Variants in ZNF540 observed in about 807,000 individuals in gnomAD.
The protein encoded by ZNF540 is CTD-3064H18.6.
ZNF540 carries 3 observed loss-of-function variants against 11.8 expected under a neutral mutation model. That is an observed-to-expected ratio of 0.25 (90% CI 0.12 to 0.65). The LOEUF (loss-of-function observed/expected upper bound fraction) is 0.65, where lower values mean the gene tolerates loss of function less well. Ranked by LOEUF, ZNF540 falls within the 30% of genes least tolerant of loss-of-function variation. ZNF540 has a pLI of 0.83. For synonymous variants in ZNF540, 247 were observed against 259.0 expected (o/e 0.95, Z 0.45); for missense variants, 709 against 793.1 (o/e 0.89, Z 1.27).
At chr19:37,552,634 T>C (rs1036109919) in intron 1 of ZNF540, among the ~76,000 whole-genome samples, 1 of 152,190 alleles carries the variant, frequency 6.6e-6, no homozygotes, top group African/African-American at 2.4e-5. Context: ...TCCCTGGTAA[T>C]ATTCTTTGTT....
At chr19:37,565,141 A>G in intron 1 of ZNF540, 1 of 1,613,390 alleles carries the variant, frequency 6.2e-7, no homozygotes, top group Non-Finnish European at 8.5e-7. Flanking sequence ...GTTTGCCACA[A>G]ATAAAGGCCT....
At chr19:37,554,107 C>CT (rs2042636096) in intron 1 of ZNF540, among the ~76,000 whole-genome samples, 5 of 152,192 alleles carry the variant, frequency 3.3e-5, no homozygotes, top group Non-Finnish European at 7.3e-5. Flanking sequence ...ACATAGTGAG[C>CT]ATAGTAGCTG....
chr19:37,611,766 G>A lies in ZNF540; in HGVS notation c.486G>A (p.Gln162=), dbSNP rs1190735281. 28 of 1,613,854 alleles carry A rather than the reference G, an allele frequency of 1.7e-5. No individual in the cohort carries two copies. The highest frequency in any genetic ancestry group is 2.2e-5 in the Non-Finnish European group (26 of 1,179,956). Residue 162 remains glutamine (Q), a synonymous_variant, in exon 5 of 5, where the codon CAG becomes CAA. Coordinates refer to ENST00000316433, the MANE Select transcript of ZNF540 (RefSeq NM_001172225.3). Reference sequence around the variant, plus strand: ...AACGTCCCTCTTTTACTCTGAATCAGAGAATTCACAATAGTGAGAAAAGCT... The same window carrying A: ...AACGTCCCTCTTTTACTCTGAATCAAAGAATTCACAATAGTGAGAAAAGCT... ...DRKRPSFTLN[Q]RIHNSEKSCD... is the part of the protein sequence containing the mutation.
rs781715755 is a variant in ZNF540 at position 37,611,842 on chromosome 19, G to T, written c.562G>T (p.Asp188Tyr). The T allele has an allele frequency of 1.9e-6, 3 of 1,613,956 alleles. No individual in the cohort carries two copies. The Admixed American group carries it at 5.0e-5, about 27-fold the overall frequency. The change falls in exon 5 of 5, where the codon GAT becomes TAT. Residue 188 changes from aspartate to tyrosine, a missense_variant. Transcript: ENST00000316433. The part of the protein sequence containing the change: ...HGKIDSDVKH[D>Y]CKECGSTFNN... Reference sequence around the variant, plus strand: ...GAAAATAGATTCTGATGTGAAACATGATTGTAAAGAATGTGGGAGTACTTT... The same window carrying T: ...GAAAATAGATTCTGATGTGAAACATTATTGTAAAGAATGTGGGAGTACTTT...
intron 1 of ZNF540, among the ~76,000 whole-genome samples, chr19:37,597,038 G>T (rs2044001783): frequency 1.4e-5 from 2 of 144,566 alleles, no homozygotes; most frequent in Admixed American, 1.3e-4. Context: ...GAACTCAGAT[G>T]TCTTGTTTAT....
intron 2 of ZNF540, 49 bp from the exon 3 acceptor site, chr19:37,599,577 A>G: frequency 6.2e-7 from 1 of 1,611,908 alleles, no homozygotes. Context: ...TTCTTTTTAA[A>G]ATACTTGTTC....
At chr19:37,552,038 T>C (rs117933287) in intron 1 of ZNF540, among the ~76,000 whole-genome samples, 2,805 of 152,266 alleles carry the variant, frequency 0.018, 38 homozygotes, top group Non-Finnish European at 0.03. Flanking sequence ...ACTTAAACCA[T>C]TGATATGTAT....
At chr19:37,571,893 G>C (rs1422024478) in intron 1 of ZNF540, among the ~76,000 whole-genome samples, 1 of 152,192 alleles carries the variant, frequency 6.6e-6, no homozygotes, top group African/African-American at 2.4e-5. Flanking sequence ...TGTTACATAT[G>C]AAGGCATGAG....
chr19:37,611,532 G>A lies in ZNF540; in HGVS notation c.252G>A (p.Lys84=), dbSNP rs1299036222. Residue 84 remains lysine, a synonymous_variant, in exon 5 of 5, where the codon AAG becomes AAA. Transcript: ENST00000316433. ...TTTCAGGTTTGTTATCCAGGCATAAGACCAAGAAATTATCTTCAGAAAAGG... is the reference window on the plus strand; with the variant it reads ...TTTCAGGTTTGTTATCCAGGCATAAAACCAAGAAATTATCTTCAGAAAAGG... The part of the protein sequence containing the change: ...RQCPGLLSRH[K]TKKLSSEKDI... 6.3e-7 allele frequency: 1 copy of A among 1,599,350 alleles called. No individual in the cohort carries two copies. The highest frequency in any genetic ancestry group is 2.2e-5 in the East Asian group (1 of 44,686).
intron 1 of ZNF540, chr19:37,563,683 G>A (rs535625428): frequency 9.9e-5 from 15 of 151,838 alleles, no homozygotes; most frequent in East Asian, 7.7e-4. Context: ...ATATACACAC[G>A]TGGAATGTAT....
upstream of ZNF540, among the ~76,000 whole-genome samples, chr19:37,592,925 T>C (rs1454136730): frequency 6.6e-6 from 1 of 152,178 alleles, no homozygotes; most frequent in African/African-American, 2.4e-5. Flanking sequence ...CTATCATGCA[T>C]TAAGTAAGTT....
chr19:37,566,272 C>T, intron 1 of ZNF540: 2 of 1,612,004 alleles, frequency 1.2e-6, no homozygotes, highest in African/African-American at 1.3e-5. Context: ...ACTTTTTGGT[C>T]ACACAACTGG....
intron 1 of ZNF540, among the ~76,000 whole-genome samples, chr19:37,553,939 A>G (rs141705829): frequency 1.2e-3 from 183 of 152,300 alleles, no homozygotes; most frequent in East Asian, 7.5e-3. Context: ...GTATGAATCC[A>G]TGTTTCCATC....
At chr19:37,598,580 C>T (rs2044014022) in intron 2 of ZNF540, 124 bp downstream of exon 2, 1 of 951,322 alleles carries the variant, frequency 1.1e-6, no homozygotes, top group African/African-American at 1.6e-5. Flanking sequence ...CCAAGCTCCT[C>T]CCATGGGCCC....
chr19:37,613,143 C>T lies in ZNF540; in HGVS notation c.1863C>T (p.His621=). 1 of 1,613,930 alleles carries T rather than the reference C, an allele frequency of 6.2e-7. No homozygotes were observed. Among genetic ancestry groups the T allele is most frequent in the Non-Finnish European group, 8.5e-7 (1 of 1,179,904 alleles). Reference sequence around the variant, plus strand: ...GGAAGGCCTTTAGACTTAATTCACACCTTACTGAACATCAGAGAATTCACA... The same window carrying T: ...GGAAGGCCTTTAGACTTAATTCACATCTTACTGAACATCAGAGAATTCACA... ...QCGKAFRLNS[H]LTEHQRIHTG... is the part of the protein sequence containing the mutation. Residue 621 remains histidine (H), a synonymous_variant, in exon 5 of 5, where the codon CAC becomes CAT. Transcript: ENST00000316433.
intron 1 of ZNF540, chr19:37,563,594 AATACATATATGC>A (rs2042746369): frequency 2.0e-5 from 3 of 152,086 alleles, no homozygotes; most frequent in Non-Finnish European, 2.9e-5. Context: ...ACATATATGG[AATACATATATGC>A]ATACATACAT....
At chr19:37,561,048 CAAAAA>C (rs199892724) in intron 1 of ZNF540, among the ~76,000 whole-genome samples, 53 of 73,774 alleles carry the variant, frequency 7.2e-4, no homozygotes, top group African/African-American at 1.7e-3. Context: ...CCTGTCTCTA[CAAAAA>C]AAAAAAAAAA....
At chr19:37,588,473 CAT>C (rs1307774831) in intron 1 of ZNF540, among the ~76,000 whole-genome samples, 2 of 152,144 alleles carry the variant, frequency 1.3e-5, no homozygotes, top group East Asian at 1.9e-4. Flanking sequence ...CCAAATACCA[CAT>C]GTTGTCCTTT....
rs189572140 is a variant in ZNF540, at chr19:37,562,442, G to A, written c.-73+10777G>A. 4 of 152,194 alleles carry A rather than the reference G, an allele frequency of 2.6e-5. No homozygotes were observed. The East Asian group carries it at 7.7e-4, about 29-fold the overall frequency. The allele number at this position is 152,194 out of a possible 1,614,324, so 9.4% of individuals were successfully genotyped here. A position where few individuals can be genotyped will look rare whatever the true frequency, so the allele number is the denominator to read the frequency against. On this transcript the variant is annotated intron_variant, in intron 1 of 4. Transcript: ENST00000592533. ...AAGACAAGAGATAACACTGCATATA[G>A]AAAAGGTAAGTATTTCTTGGTAACA...
Sources: allele counts gnomAD v4.1 joint callset (sites outside exome capture counted in the v4.1 genomes callset), GRCh38; gene constraint gnomAD v4.1.1; transcripts MANE v1.5; gene names NCBI Gene and HGNC (gene_info 2026-07-23, HGNC 2026-07-21).